Variants in LRAT observed in about 807,000 individuals in gnomAD.
LRAT encodes the protein lecithin retinol acyltransferase, also known as lecithin retinol acyltransferase (phosphatidylcholine--retinol O-acyltransferase).
Under a neutral mutation model 14.2 loss-of-function variants are expected in LRAT, and 11 were observed. The observed-to-expected ratio is 0.78, with a 90% CI of 0.49 to 1.29. The LOEUF (loss-of-function observed/expected upper bound fraction) is 1.29. Ranked by LOEUF, LRAT falls within the 50% of genes most tolerant of loss-of-function variation. The pLI is 0.00. For missense variants in LRAT, 274 were observed against 292.4 expected, an observed-to-expected ratio of 0.94 and a Z score of 0.46; for synonymous variants, 144 against 124.8, an observed-to-expected ratio of 1.15 and a Z score of -1.03.
In LRAT at chr4:154,744,100, T is replaced by A; in HGVS notation, c.-124T>A. 1 of 582,506 alleles carries A rather than the reference T, an allele frequency of 1.7e-6. No homozygotes were observed. Among genetic ancestry groups the A allele is most frequent in the East Asian group, 2.9e-5 (1 of 34,626 alleles). The allele number at this position is 582,506 out of a possible 1,614,324, so 36.1% of individuals were successfully genotyped here. On this transcript the variant is annotated 5_prime_UTR_variant, in exon 1 of 3. Transcript: ENST00000336356. ...CACTGTCCCCGCCGTCAGCCACCGG[T>A]TCCTTATCCGTCTCATTCCCCATTG...
chr4:154,744,668 G>A lies in LRAT; in HGVS notation c.342G>A (p.Glu114=), dbSNP rs17031981. Residue 114 remains glutamate, a synonymous_variant, in exon 2 of 3, where the codon GAG becomes GAA. Coordinates refer to ENST00000336356, the MANE Select transcript of LRAT (RefSeq NM_004744.5). ...KVASIRVDTV[E]DFAYGANILV... ...CCAGCATCCGCGTGGACACAGTGGAGGACTTCGCCTACGGAGCTAACATCC... is the reference window on the plus strand; with the variant it reads ...CCAGCATCCGCGTGGACACAGTGGAAGACTTCGCCTACGGAGCTAACATCC... 29,675 of 1,614,112 alleles carry A rather than the reference G, an allele frequency of 0.018. 4,037 individuals are homozygous for A. The African/African-American group carries it at 0.32, about 17-fold the overall frequency.
At chr4:154,753,117 ACTATT>A (rs760947816) in exon 3 of LRAT, 33 of 152,336 alleles carry the variant, frequency 2.2e-4, no homozygotes, top group Non-Finnish European at 1.9e-4. Flanking sequence ...AATTTTACAT[ACTATT>A]CTCTCTTTAA....
At chr4:154,745,105 G>A (rs1315088392) in intron 2 of LRAT, among the ~76,000 whole-genome samples, 2 of 126,504 alleles carry the variant, frequency 1.6e-5, no homozygotes, top group East Asian at 2.9e-4. Context: ...TGCAAACTCC[G>A]CCTCCAGAGT....
At chr4:154,741,361 G>C (rs1732766008), upstream of LRAT, among the ~76,000 whole-genome samples, 1 of 152,170 alleles carries the variant, frequency 6.6e-6, no homozygotes, top group Admixed American at 6.5e-5. Flanking sequence ...CCTTCGGGCT[G>C]TCGCTTCCGG....
chr4:154,749,019 G>A lies in LRAT; in HGVS notation c.576G>A (p.Gln192=). The part of the protein sequence containing the change: ...CETVKIIIRD[Q]RSVLASAVLG... Reference sequence around the variant, plus strand: ...CTGTGAAGATAATTATTCGTGATCAGAGAAGTGTTCTTGCTTCAGCAGTCT... The same window carrying A: ...CTGTGAAGATAATTATTCGTGATCAAAGAAGTGTTCTTGCTTCAGCAGTCT... The change falls in exon 3 of 3, where the codon CAG becomes CAA. Residue 192 remains glutamine, a synonymous_variant. Transcript: ENST00000336356. 2 of 1,613,780 alleles carry A rather than the reference G, an allele frequency of 1.2e-6. No individual in the cohort carries two copies. The highest frequency in any genetic ancestry group is 8.5e-7 in the Non-Finnish European group (1 of 1,179,746).
chr4:154,742,703 G>A (rs986859923), upstream of LRAT, among the ~76,000 whole-genome samples: 6 of 152,088 alleles, frequency 3.9e-5, no homozygotes, highest in Non-Finnish European at 7.4e-5. Context: ...AGCCTGGCGC[G>A]GCCAACGCTT....
intron 2 of LRAT, chr4:154,745,479 G>C (rs534919360): frequency 6.4e-6 from 1 of 155,338 alleles, no homozygotes; most frequent in African/African-American, 2.4e-5. Flanking sequence ...AGATTCCAGA[G>C]CTGCCCAGTA....
chr4:154,741,473 A>C (rs1732767549), upstream of LRAT, among the ~76,000 whole-genome samples: 1 of 152,202 alleles, frequency 6.6e-6, no homozygotes, highest in Non-Finnish European at 1.5e-5. Context: ...TGGCTTAAAA[A>C]ATTGGAATTT....
chr4:154,752,850 T>C lies in LRAT; in HGVS notation c.*3714T>C, dbSNP rs183640442. Reference sequence around the variant, plus strand: ...GACAAGCAACTATGTATAGACTTGTTGTTTGAATTTTTTTTCAGTATATAT... The same window carrying C: ...GACAAGCAACTATGTATAGACTTGTCGTTTGAATTTTTTTTCAGTATATAT... On this transcript the variant is annotated 3_prime_UTR_variant, in exon 3 of 3. Coordinates refer to ENST00000336356, the MANE Select transcript of LRAT (RefSeq NM_004744.5). 232 of 152,304 alleles carry C rather than the reference T, an allele frequency of 1.5e-3. 3 individuals are homozygous for C. Among genetic ancestry groups the C allele is most frequent in the African/African-American group, 5.4e-3 (224 of 41,572 alleles). 9.4% of individuals were successfully genotyped at this position (152,304 alleles called of 1,614,324 possible). A position where few individuals can be genotyped will look rare whatever the true frequency, so the allele number is the denominator to read the frequency against.
chr4:154,746,095 A>G lies in LRAT; in HGVS notation c.540+1229A>G, dbSNP rs930934449. On this transcript the variant is annotated intron_variant, in intron 2 of 2. Transcript: ENST00000336356. ...TTAAAACCTCTTAACTTTTAAAAAT[A>G]GTTAAGATTTTAAGCCTGAAACTTC... Among the ~76,000 whole-genome samples the G allele has an allele frequency of 3.3e-5, 5 of 152,230 alleles. No homozygotes were observed. In the East Asian group the frequency reaches 9.6e-4, roughly 29 times the overall value.
Position 154,744,885 on chromosome 4 carries a change from A to G in LRAT, c.540+19A>G. 6.2e-7 allele frequency: 1 copy of G among 1,611,062 alleles called. No homozygotes were observed. Among genetic ancestry groups the G allele is most frequent in the Non-Finnish European group, 8.5e-7 (1 of 1,179,828 alleles). ...CGACAAGGTATGATGTGTGACTCCC[A>G]GGGGAAGTGGGCTCCGCGGAGATGC... is the stretch of plus-strand genomic sequence containing the variant. On this transcript the variant is annotated intron_variant, in intron 2 of 2. Coordinates refer to ENST00000336356, the MANE Select transcript of LRAT (RefSeq NM_004744.5).
intron 2 of LRAT, chr4:154,748,413 T>TCCAG: frequency 1.0e-6 from 1 of 989,174 alleles, no homozygotes; most frequent in Middle Eastern, 5.2e-4. Flanking sequence ...TGTCTTTTTT[T>TCCAG]CCAGCAGCCA....
rs1204353915 is a variant in LRAT at position 154,744,832 on chromosome 4, G to T, written c.506G>T (p.Arg169Ile). The change falls in exon 2 of 3, where the codon AGA (arginine) becomes ATA (isoleucine). Residue 169 changes from arginine (R) to isoleucine (I), a missense_variant. Arg to Ile is a moderately conservative substitution (Grantham distance 97). Coordinates refer to ENST00000336356, the MANE Select transcript of LRAT (RefSeq NM_004744.5). ...NNCEHFVTYC[R>I]YGTPISPQSD... ...TGCGAGCACTTCGTGACCTACTGCA[G>T]ATATGGCACCCCGATCAGTCCCCAG... is the stretch of plus-strand genomic sequence containing the variant. The T allele has an allele frequency of 6.2e-7, 1 of 1,613,836 alleles. No homozygotes were observed. Among genetic ancestry groups the T allele is most frequent in the Non-Finnish European group, 8.5e-7 (1 of 1,180,022 alleles).
intron 2 of LRAT, 140 bp downstream of exon 2, chr4:154,745,006 C>CTTTTTTTTTTTTTTTTTT (rs70947181): frequency 1.8e-5 from 3 of 167,808 alleles, no homozygotes; most frequent in Non-Finnish European, 2.9e-5. Context: ...TTTCTTTTTC[C>CTTTTTTTTTTTTTTTTTT]TTTTTTTTTT....
upstream of LRAT, among the ~76,000 whole-genome samples, chr4:154,742,918 T>G (rs1410242196): frequency 6.6e-6 from 1 of 151,576 alleles, no homozygotes. Flanking sequence ...GTGGGTGAAC[T>G]GAAGCTGGGT....
At chr4:154,746,897 A>C (rs573929335) in intron 2 of LRAT, among the ~76,000 whole-genome samples, 1 of 152,290 alleles carries the variant, frequency 6.6e-6, no homozygotes, top group East Asian at 1.9e-4. Flanking sequence ...ATGGTCTAAC[A>C]AACAATTTGG....
Position 154,751,013 on chromosome 4 carries a change from T to C in LRAT, c.*1877T>C, listed in dbSNP as rs1166352519. On this transcript the variant is annotated 3_prime_UTR_variant, in exon 3 of 3. Transcript: ENST00000336356. The stretch of plus-strand genomic sequence containing the variant: ...ACTGACATAATTAGTCTTGACTTAC[T>C]TCATTAAAGCAAGATTCAATTCCTT... 2 of 152,250 alleles carry C rather than the reference T, an allele frequency of 1.3e-5. No individual in the cohort carries two copies. Among genetic ancestry groups the C allele is most frequent in the Admixed American group, 1.3e-4 (2 of 15,280 alleles). 9.4% of individuals were successfully genotyped at this position (152,250 alleles called of 1,614,324 possible). A position where few individuals can be genotyped will look rare whatever the true frequency, so the allele number is the denominator to read the frequency against.
At position 154,749,833 on chromosome 4, in the gene LRAT, A is replaced by AT. The variant is rs763277997; in HGVS notation, c.*704dup. Reference sequence around the variant, plus strand: ...CTTACTAGGAAGCCTGGAATTCATTATTTTTTTCCTTTTATGTGCCACTGT... The same window carrying AT: ...CTTACTAGGAAGCCTGGAATTCATTATTTTTTTTCCTTTTATGTGCCACTGT... On this transcript the variant is annotated 3_prime_UTR_variant, in exon 3 of 3. Transcript: ENST00000336356. The AT allele has an allele frequency of 1.1e-4, 16 of 152,188 alleles. No individual in the cohort carries two copies. Among genetic ancestry groups the AT allele is most frequent in the Non-Finnish European group, 2.4e-4 (16 of 67,996 alleles). The allele number at this position is 152,188 out of a possible 1,614,324, so 9.4% of individuals were successfully genotyped here. A position where few individuals can be genotyped will look rare whatever the true frequency, so the allele number is the denominator to read the frequency against.
In LRAT at chr4:154,749,197, A is replaced by G; in HGVS notation, c.*61A>G. ...GTAAATATGTTTATATTTATAGAGC[A>G]TCAATCAATATAAGCATTATTGAGA... On this transcript the variant is annotated 3_prime_UTR_variant, in exon 3 of 3. Coordinates refer to ENST00000336356, the MANE Select transcript of LRAT (RefSeq NM_004744.5). 1 of 1,509,034 alleles carries G rather than the reference A, an allele frequency of 6.6e-7. No individual in the cohort carries two copies. The highest frequency in any genetic ancestry group is 9.2e-7 in the Non-Finnish European group (1 of 1,085,354). 93.5% of individuals were successfully genotyped at this position (1,509,034 alleles called of 1,614,324 possible). A position where few individuals can be genotyped will look rare whatever the true frequency, so the allele number is the denominator to read the frequency against.
Sources: gnomAD v4.1 joint callset for allele counts (sites outside exome capture counted in the v4.1 genomes callset) on GRCh38, gnomAD v4.1.1 for gene constraint, MANE v1.5 for transcripts, NCBI Gene and HGNC (gene_info 2026-07-23, HGNC 2026-07-21) for gene names.